TLN2: variants seen among roughly 807,000 people sequenced by gnomAD.
TLN2 encodes talin-2.
In TLN2, 118 loss-of-function variants were observed where a neutral mutation model predicts 294.7. That is an observed-to-expected ratio of 0.40 (90% CI 0.34 to 0.47). The LOEUF (loss-of-function observed/expected upper bound fraction) is 0.47, where lower values mean the gene tolerates loss of function less well. TLN2 is among the 20% of genes least tolerant of loss of function. TLN2 has a pLI of 0.84. For missense variants in TLN2, 3,083 were observed against 3,282.2 expected (o/e 0.94, Z 1.48); for synonymous variants, 1,431 against 1,304.5 (o/e 1.10, Z -2.09).
intron 1 of TLN2, among the ~76,000 whole-genome samples, chr15:62,515,400 G>A (rs1179673369): frequency 4.6e-5 from 7 of 152,184 alleles, no homozygotes; most frequent in African/African-American, 1.7e-4. Context: ...TCCAGACTTT[G>A]GCTACTCCAA....
At chr15:62,399,256 CAAAAAAAAAAAAA>C (rs546678440) in intron 1 of TLN2, among the ~76,000 whole-genome samples, 38 of 58,432 alleles carry the variant, frequency 6.5e-4, no homozygotes, top group Non-Finnish European at 9.6e-4. Context: ...CCGTCTCAAA[CAAAAAAAAAAAAA>C]AAAAAAAAAA....
At chr15:62,457,129 A>AT (rs2036525923) in intron 1 of TLN2, among the ~76,000 whole-genome samples, 1 of 151,980 alleles carries the variant, frequency 6.6e-6, no homozygotes, top group South Asian at 2.1e-4. Context: ...AACAATAGAA[A>AT]TTTTTTCACG....
intron 1 of TLN2, among the ~76,000 whole-genome samples, chr15:62,568,777 C>T (rs2043620922): frequency 6.6e-6 from 1 of 152,220 alleles, no homozygotes; most frequent in African/African-American, 2.4e-5. Flanking sequence ...TCCTCCTGAG[C>T]TCTCCTGCAG....
intron 2 of TLN2, among the ~76,000 whole-genome samples, chr15:62,593,847 G>A (rs2046272919): frequency 6.6e-6 from 1 of 152,212 alleles, no homozygotes; most frequent in Non-Finnish European, 1.5e-5. Context: ...GCCAGCTGCA[G>A]TGCTGTCAAC....
At chr15:62,523,797 G>A (rs938387310) in intron 1 of TLN2, among the ~76,000 whole-genome samples, 1 of 152,226 alleles carries the variant, frequency 6.6e-6, no homozygotes, top group African/African-American at 2.4e-5. Flanking sequence ...AGGCAGTGTT[G>A]TGTGGGCCAC....
intron 1 of TLN2, among the ~76,000 whole-genome samples, chr15:62,452,726 ATACTT>A: frequency 6.6e-6 from 1 of 152,198 alleles, no homozygotes; most frequent in Non-Finnish European, 1.5e-5. Flanking sequence ...TTCTGTGTCG[ATACTT>A]TAAGTCCAAT....
chr15:62,742,545 G>A (rs77047323), intron 32 of TLN2, among the ~76,000 whole-genome samples: 3 of 152,086 alleles, frequency 2.0e-5, no homozygotes, highest in East Asian at 1.9e-4. Flanking sequence ...AAACAGAGCC[G>A]GAAAGAATAT....
intron 1 of TLN2, among the ~76,000 whole-genome samples, chr15:62,393,475 G>C (rs936367341): frequency 2.6e-5 from 4 of 152,062 alleles, no homozygotes; most frequent in African/African-American, 9.7e-5. Flanking sequence ...TTATTTTCTA[G>C]TCAATATCTG....
intron 1 of TLN2, among the ~76,000 whole-genome samples, chr15:62,451,989 G>A (rs2036180365): frequency 1.3e-5 from 2 of 152,114 alleles, no homozygotes; most frequent in Admixed American, 6.6e-5. Flanking sequence ...TGATATTCTT[G>A]GGCAAAGGGT....
At chr15:62,450,541 GTATGTA>G (rs1171181536) in intron 1 of TLN2, among the ~76,000 whole-genome samples, 47 of 52,386 alleles carry the variant, frequency 9.0e-4, no homozygotes, top group African/African-American at 6.1e-4. Flanking sequence ...ATGTATGTAT[GTATGTA>G]TGTGTGTGTG....
At chr15:62,507,972 T>C (rs1478467622) in intron 1 of TLN2, among the ~76,000 whole-genome samples, 1 of 152,122 alleles carries the variant, frequency 6.6e-6, no homozygotes, top group East Asian at 1.9e-4. Flanking sequence ...CTTGTTATCA[T>C]TGGTGAAATT....
intron 1 of TLN2, among the ~76,000 whole-genome samples, chr15:62,424,270 C>A (rs372840072): frequency 7.5e-4 from 114 of 152,248 alleles, no homozygotes; most frequent in African/African-American, 2.6e-3. Flanking sequence ...ATTTGCTGTA[C>A]CCTACGCTCC....
chr15:62,740,795 C>T (rs200924319), intron 32 of TLN2, 26 bp downstream of exon 32: 46 of 1,613,596 alleles, frequency 2.9e-5, no homozygotes, highest in Middle Eastern at 1.7e-4. Context: ...AATGTGCTTT[C>T]GTGTGTGGTT....
chr15:62,734,353 A>G (rs2060891270), intron 28 of TLN2, among the ~76,000 whole-genome samples: 1 of 152,234 alleles, frequency 6.6e-6, no homozygotes, highest in Non-Finnish European at 1.5e-5. Flanking sequence ...ACAGCCTAGA[A>G]TCTGCAATGG....
At chr15:62,478,670 G>A (rs757607714) in intron 1 of TLN2, among the ~76,000 whole-genome samples, 8 of 152,320 alleles carry the variant, frequency 5.3e-5, no homozygotes, top group Non-Finnish European at 1.0e-4. Flanking sequence ...GGAGGTGAGG[G>A]TGGGTTAGGG....
At chr15:62,778,982 C>G (rs2063921006) in intron 43 of TLN2, among the ~76,000 whole-genome samples, 1 of 152,220 alleles carries the variant, frequency 6.6e-6, no homozygotes, top group Non-Finnish European at 1.5e-5. Context: ...CGTTAGAAAG[C>G]TGGCATAGTC....
At chr15:62,627,868 T>C (rs2049421881) in intron 3 of TLN2, among the ~76,000 whole-genome samples, 1 of 152,208 alleles carries the variant, frequency 6.6e-6, no homozygotes, top group Admixed American at 6.5e-5. Context: ...CTTAATTCTT[T>C]CCAGGTGGGG....
chr15:62,838,636 C>CT (rs2070121949), intron 57 of TLN2, among the ~76,000 whole-genome samples: 1 of 152,166 alleles, frequency 6.6e-6, no homozygotes, highest in Non-Finnish European at 1.5e-5. Flanking sequence ...GTAACAGGCA[C>CT]TTTGTCTCAT....
At chr15:62,395,669 TAAAC>T (rs982794181) in intron 1 of TLN2, among the ~76,000 whole-genome samples, 3 of 152,070 alleles carry the variant, frequency 2.0e-5, no homozygotes, top group Admixed American at 1.3e-4. Flanking sequence ...TTTCAGTAAA[TAAAC>T]CAGAAGCAAC....
Sources: gnomAD v4.1 joint callset for allele counts (sites outside exome capture counted in the v4.1 genomes callset) on GRCh38, gnomAD v4.1.1 for gene constraint, MANE v1.5 for transcripts, NCBI Gene and HGNC (gene_info 2026-07-23, HGNC 2026-07-21) for gene names.